LRRCC1: variants seen among roughly 807,000 people sequenced by gnomAD.
LRRCC1 encodes leucine rich repeat and coiled-coil centrosomal protein 1.
LRRCC1 carries 115 observed loss-of-function variants against 126.0 expected under a neutral mutation model. The observed-to-expected ratio is 0.91, with a 90% CI of 0.78 to 1.07. LRRCC1 has a LOEUF of 1.07. Among genes scored for constraint, LRRCC1 ranks in the 50% least tolerant of loss-of-function variants. The pLI, the probability that LRRCC1 is intolerant of heterozygous loss-of-function variation, is 0.00. For missense variants in LRRCC1, 1,172 were observed against 1,175.7 expected, an observed-to-expected ratio of 1.00 and a Z score of 0.05; for synonymous variants, 400 against 393.4, an observed-to-expected ratio of 1.02 and a Z score of -0.20.
chr8:85,125,553 G>T (rs904991829), intron 8 of LRRCC1, among the ~76,000 whole-genome samples: 1 of 146,232 alleles, frequency 6.8e-6, no homozygotes, highest in African/African-American at 2.5e-5. Flanking sequence ...GGCGCCTGTA[G>T]TCCCAGCTAC....
chr8:85,145,117 GTATA>G (rs10647086), intron 18 of LRRCC1, among the ~76,000 whole-genome samples: 1 of 143,332 alleles, frequency 7.0e-6, no homozygotes, highest in Admixed American at 7.0e-5. Flanking sequence ...ATATATGTGT[GTATA>G]TATATATATA....
chr8:85,137,720 C>A, intron 15 of LRRCC1, 93 bp downstream of exon 15: 1 of 961,128 alleles, frequency 1.0e-6, no homozygotes, highest in Non-Finnish European at 1.5e-6. Flanking sequence ...CAGTGTTTTC[C>A]AACTGTTGTA....
At position 85,112,864 on chromosome 8, in the gene LRRCC1, A is replaced by T. The variant is rs867157574; in HGVS notation, c.377-68A>T. The T allele has an allele frequency of 7.9e-5, 93 of 1,170,898 alleles. 1 individual carries two copies. In the South Asian group the frequency reaches 1.6e-3, roughly 21 times the overall value. 72.5% of individuals were successfully genotyped at this position (1,170,898 alleles called of 1,614,324 possible). A position where few individuals can be genotyped will look rare whatever the true frequency, so the allele number is the denominator to read the frequency against. ...CCTCTAAAAGTATAACCTATCTAGCAATTATTTCTAATTAGCTATTGGAAA... is the reference window on the plus strand; with the variant it reads ...CCTCTAAAAGTATAACCTATCTAGCTATTATTTCTAATTAGCTATTGGAAA... On this transcript the variant is annotated intron_variant, in intron 3 of 18. Transcript: ENST00000360375.
chr8:85,113,540 GTACA>G (rs759497556), intron 4 of LRRCC1, among the ~76,000 whole-genome samples: 5 of 151,886 alleles, frequency 3.3e-5, no homozygotes, highest in South Asian at 2.1e-4. Context: ...AAACATTTAC[GTACA>G]TACATATATA....
In LRRCC1 at chr8:85,138,425, CAAGGAA is replaced by C. The variant is rs1563957837; in HGVS notation, c.2794_2799del (p.Glu932_Lys933del). The C allele has an allele frequency of 6.2e-7, 1 of 1,612,328 alleles. No individual in the cohort carries two copies. The highest frequency in any genetic ancestry group is 1.1e-5 in the South Asian group (1 of 90,720). The stretch of plus-strand genomic sequence containing the variant: ...AAGAAGTGAAAGAAAAATTTGAAAA[CAAGGAA>C]AAGAAACTTAAAGCGGAAAGAGACA... On this transcript the variant is annotated inframe_deletion, in exon 17 of 19. Coordinates refer to ENST00000360375, the MANE Select transcript of LRRCC1 (RefSeq NM_033402.5).
chr8:85,120,920 A>C (rs1371632408), intron 6 of LRRCC1, among the ~76,000 whole-genome samples: 2 of 152,144 alleles, frequency 1.3e-5, no homozygotes, highest in Non-Finnish European at 2.9e-5. Context: ...ATTTATGTAT[A>C]AGTTTTTGTG....
chr8:85,107,501 C>A, intron 1 of LRRCC1, 102 bp downstream of exon 1: 1 of 1,018,236 alleles, frequency 9.8e-7, no homozygotes, highest in Admixed American at 2.4e-5. Context: ...CACTGCTTTA[C>A]CAAGACCATA....
chr8:85,143,329 A>G (rs546830940), intron 18 of LRRCC1, among the ~76,000 whole-genome samples: 1 of 152,136 alleles, frequency 6.6e-6, no homozygotes, highest in Non-Finnish European at 1.5e-5. Flanking sequence ...CTCAAAAAAA[A>G]AAAAGGCTAC....
At chr8:85,140,359 AG>A in intron 17 of LRRCC1, among the ~76,000 whole-genome samples, 1 of 152,320 alleles carries the variant, frequency 6.6e-6, no homozygotes, top group Admixed American at 6.5e-5. Context: ...TAAGGTTGGC[AG>A]AACAGTCCTG....
rs751409784 is a variant in LRRCC1, at chr8:85,135,819, G to A, written c.2185G>A (p.Glu729Lys). ...AATCAACACCCTTGAAATTTTAATT[G>A]AAGATGACAAGCAGAAGAGTATTCA... ...NQINTLEILI[E>K]DDKQKSIQIE... The change falls in exon 14 of 19, where the codon GAA (glutamate) becomes AAA (lysine). Residue 729 changes from glutamate to lysine, a missense_variant. By Grantham distance (56) the Glu-to-Lys change is moderately conservative. Coordinates refer to ENST00000360375, the MANE Select transcript of LRRCC1 (RefSeq NM_033402.5). 6.4e-7 allele frequency: 1 copy of A among 1,557,596 alleles called. No homozygotes were observed. Among genetic ancestry groups the A allele is most frequent in the Non-Finnish European group, 8.7e-7 (1 of 1,152,656 alleles).
chr8:85,134,727 G>T, intron 12 of LRRCC1, 120 bp from the exon 13 acceptor site: 1 of 637,034 alleles, frequency 1.6e-6, no homozygotes. Context: ...GAAATTACTA[G>T]ATTGAAACAG....
chr8:85,133,311 C>T (rs553272635), intron 12 of LRRCC1, among the ~76,000 whole-genome samples: 1 of 152,240 alleles, frequency 6.6e-6, no homozygotes, highest in South Asian at 2.1e-4. Flanking sequence ...GTTTTCTTGG[C>T]TTTCCATTAC....
At chr8:85,112,303 A>T (rs1337296205) in intron 3 of LRRCC1, among the ~76,000 whole-genome samples, 1 of 152,192 alleles carries the variant, frequency 6.6e-6, no homozygotes, top group Admixed American at 6.5e-5. Context: ...CGTTCGTATG[A>T]TTACATAGCT....
At chr8:85,136,400 G>A (rs1331845231) in intron 14 of LRRCC1, among the ~76,000 whole-genome samples, 1 of 151,532 alleles carries the variant, frequency 6.6e-6, no homozygotes, top group Non-Finnish European at 1.5e-5. Flanking sequence ...TCAGCCTCCC[G>A]AGTAGCTGGG....
chr8:85,135,029 A>C lies in LRRCC1; in HGVS notation c.2151A>C (p.Leu717Phe). 6.6e-7 allele frequency: 1 copy of C among 1,521,442 alleles called. No individual in the cohort carries two copies. Among genetic ancestry groups the C allele is most frequent in the Non-Finnish European group, 8.7e-7 (1 of 1,143,440 alleles). The allele number at this position is 1,521,442 out of a possible 1,614,324, so 94.2% of individuals were successfully genotyped here. A position where few individuals can be genotyped will look rare whatever the true frequency, so the allele number is the denominator to read the frequency against. ...TGAAACAAGAAACAGCAGCAAATTT[A>C]CAGGTAAGACTTTGCAACATTATAT... ...SKLKQETAANLQNQINTLEIL... is the reference protein window; with the variant it reads ...SKLKQETAANFQNQINTLEIL... Residue 717 changes from leucine to phenylalanine, a missense_variant, in exon 13 of 19, where the codon TTA becomes TTC. Coordinates refer to ENST00000360375, the MANE Select transcript of LRRCC1 (RefSeq NM_033402.5).
chr8:85,112,879 G>A (rs572838948), intron 3 of LRRCC1, 53 bp from the exon 4 acceptor site: 1 of 1,294,634 alleles, frequency 7.7e-7, no homozygotes, highest in African/African-American at 1.5e-5. Context: ...TTTCTAATTA[G>A]CTATTGGAAA....
chr8:85,135,808 A>G lies in LRRCC1; in HGVS notation c.2174A>G (p.Glu725Gly), dbSNP rs750694853. 3.9e-6 allele frequency: 6 copies of G among 1,556,630 alleles called. No homozygotes were observed. In the South Asian group the frequency reaches 6.3e-5, roughly 16 times the overall value. ...ATACAGAATCAAATCAACACCCTTGAAATTTTAATTGAAGATGACAAGCAG... is the reference window on the plus strand; with the variant it reads ...ATACAGAATCAAATCAACACCCTTGGAATTTTAATTGAAGATGACAAGCAG... ...ANLQNQINTL[E>G]ILIEDDKQKS... The change falls in exon 14 of 19, where the codon GAA (glutamate) becomes GGA (glycine). Residue 725 changes from glutamate to glycine, a missense_variant. Transcript: ENST00000360375.
At chr8:85,107,420 AG>A in intron 1 of LRRCC1, 21 bp downstream of exon 1, 1 of 1,588,750 alleles carries the variant, frequency 6.3e-7, no homozygotes. Flanking sequence ...CTCCGCAGCC[AG>A]GAGCGACCCG....
Position 85,133,706 on chromosome 8 carries a change from G to A in LRRCC1, c.1969-1141G>A, listed in dbSNP as rs907924222. On this transcript the variant is annotated intron_variant, in intron 12 of 18. Transcript: ENST00000360375. Reference sequence around the variant, plus strand: ...TCACCCTTATTTAAAAAATATACATGTGGCCATTTCTTACCACCTCTAACA... The same window carrying A: ...TCACCCTTATTTAAAAAATATACATATGGCCATTTCTTACCACCTCTAACA... Among the ~76,000 whole-genome samples, 8 of 152,098 alleles carry A rather than the reference G, an allele frequency of 5.3e-5. No individual in the cohort carries two copies. In the East Asian group the frequency reaches 1.2e-3, roughly 22 times the overall value.
Sources: gnomAD v4.1 joint callset for allele counts (sites outside exome capture counted in the v4.1 genomes callset) on GRCh38, gnomAD v4.1.1 for gene constraint, MANE v1.5 for transcripts, NCBI Gene and HGNC (gene_info 2026-07-23, HGNC 2026-07-21) for gene names.